Variants in AP3B1 observed in about 807,000 individuals in gnomAD.
AP3B1 encodes adaptor related protein complex 3 subunit beta 1.
AP3B1 carries 61 observed loss-of-function variants against 132.5 expected under a neutral mutation model. That is an observed-to-expected ratio of 0.46 (90% CI 0.37 to 0.57). The LOEUF (loss-of-function observed/expected upper bound fraction) is 0.57. Among genes scored for constraint, AP3B1 ranks in the 20% least tolerant of loss-of-function variants. The pLI, the probability that AP3B1 is intolerant of heterozygous loss-of-function variation, is 0.00. For missense variants in AP3B1, 1,120 were observed against 1,289.4 expected (o/e 0.87, Z 2.01); for synonymous variants, 388 against 438.3 (o/e 0.89, Z 1.43).
chr5:78,100,897 A>G (rs530879102), intron 21 of AP3B1, 56 bp downstream of exon 21: 51 of 1,079,520 alleles, frequency 4.7e-5, no homozygotes, highest in Admixed American at 1.6e-4. Flanking sequence ...GGTACTATAA[A>G]AATAAAAAAT....
intron 6 of AP3B1, among the ~76,000 whole-genome samples, chr5:78,221,750 A>C (rs1055367443): frequency 2.0e-5 from 3 of 151,928 alleles, no homozygotes; most frequent in Non-Finnish European, 2.9e-5. Context: ...AAAATAACAG[A>C]ATTAATATTT....
chr5:78,087,855 T>A (rs1750331182), intron 22 of AP3B1, among the ~76,000 whole-genome samples: 2 of 152,214 alleles, frequency 1.3e-5, no homozygotes, highest in African/African-American at 4.8e-5. Flanking sequence ...TGGAGAATAT[T>A]CGTTAATATT....
chr5:78,226,054 T>C (rs1187761901), intron 5 of AP3B1, among the ~76,000 whole-genome samples: 1 of 152,058 alleles, frequency 6.6e-6, no homozygotes, highest in East Asian at 1.9e-4. Context: ...GATAGAGACA[T>C]GCATTATAAA....
chr5:78,207,432 A>C (rs1163003335), intron 7 of AP3B1, among the ~76,000 whole-genome samples: 7 of 152,128 alleles, frequency 4.6e-5, no homozygotes, highest in Non-Finnish European at 1.0e-4. Context: ...GTCTCAAAAA[A>C]AAGAAAAAAG....
intron 21 of AP3B1, among the ~76,000 whole-genome samples, chr5:78,096,997 G>C (rs1217412067): frequency 7.6e-6 from 1 of 131,222 alleles, no homozygotes; most frequent in Non-Finnish European, 1.6e-5. Context: ...CAGCCGCCCT[G>C]TCCGGGAGGG....
At chr5:78,158,758 G>A (rs565025183) in intron 13 of AP3B1, among the ~76,000 whole-genome samples, 80 of 151,496 alleles carry the variant, frequency 5.3e-4, no homozygotes, top group African/African-American at 1.8e-3. Context: ...GTGCAGTGGC[G>A]CAATCTCGGC....
intron 6 of AP3B1, chr5:78,222,125 TAAAA>T (rs35095974): frequency 6.9e-6 from 1 of 145,488 alleles, no homozygotes; most frequent in Admixed American, 6.9e-5. Flanking sequence ...ATTCATTCTC[TAAAA>T]AAAAAAAGAG....
At chr5:78,229,777 A>C (rs1746565646) in intron 3 of AP3B1, among the ~76,000 whole-genome samples, 1 of 152,036 alleles carries the variant, frequency 6.6e-6, no homozygotes, top group African/African-American at 2.4e-5. Flanking sequence ...AAAAAGTTAT[A>C]TACTCAAAGA....
chr5:78,051,074 A>C (rs566636816), intron 22 of AP3B1, among the ~76,000 whole-genome samples: 1 of 152,324 alleles, frequency 6.6e-6, no homozygotes, highest in Admixed American at 6.5e-5. Flanking sequence ...AAGGAAATCT[A>C]TGTGACTCAT....
At chr5:78,036,234 T>C (rs758557319) in intron 23 of AP3B1, among the ~76,000 whole-genome samples, 4 of 152,154 alleles carry the variant, frequency 2.6e-5, no homozygotes, top group Admixed American at 6.5e-5. Flanking sequence ...TGTTTTATTA[T>C]ATGGATGCTT....
intron 1 of AP3B1, among the ~76,000 whole-genome samples, chr5:78,285,755 C>A (rs1749251530): frequency 6.6e-6 from 1 of 152,162 alleles, no homozygotes; most frequent in Non-Finnish European, 1.5e-5. Flanking sequence ...AACTTTGTAT[C>A]CACCCTTGAT....
intron 22 of AP3B1, among the ~76,000 whole-genome samples, chr5:78,061,132 T>C (rs895021001): frequency 5.0e-4 from 72 of 142,888 alleles, no homozygotes; most frequent in East Asian, 1.6e-3. Flanking sequence ...TGGTCAAACA[T>C]AGAAAAAAAA....
At chr5:78,212,428 T>A (rs1303284695) in intron 7 of AP3B1, among the ~76,000 whole-genome samples, 1 of 152,368 alleles carries the variant, frequency 6.6e-6, no homozygotes, top group Non-Finnish European at 1.5e-5. Context: ...CAGGCAGGTT[T>A]TTTTAATTAT....
chr5:78,021,862 G>T (rs1040464404), intron 24 of AP3B1, among the ~76,000 whole-genome samples: 1 of 152,104 alleles, frequency 6.6e-6, no homozygotes. Context: ...AACCAAATCT[G>T]TTCCTTTTTA....
intron 21 of AP3B1, among the ~76,000 whole-genome samples, chr5:78,090,013 A>C (rs1006766789): frequency 3.3e-5 from 5 of 152,166 alleles, no homozygotes; most frequent in African/African-American, 9.7e-5. Flanking sequence ...TGATTCTAAA[A>C]CTGCTATATA....
intron 2 of AP3B1, among the ~76,000 whole-genome samples, chr5:78,258,655 A>G (rs1369190428): frequency 2.0e-5 from 3 of 152,216 alleles, no homozygotes; most frequent in Non-Finnish European, 2.9e-5. Context: ...GAAACTAGTA[A>G]TTGAGCTACC....
intron 19 of AP3B1, among the ~76,000 whole-genome samples, chr5:78,111,809 T>G (rs1253493869): frequency 6.6e-6 from 1 of 152,208 alleles, no homozygotes; most frequent in African/African-American, 2.4e-5. Flanking sequence ...CCAATCATAC[T>G]AATTATCTAA....
chr5:78,080,916 T>C (rs1294538572), intron 22 of AP3B1, among the ~76,000 whole-genome samples: 1 of 152,146 alleles, frequency 6.6e-6, no homozygotes, highest in Non-Finnish European at 1.5e-5. Flanking sequence ...AAAGGTACCG[T>C]CTCTCTTTGA....
chr5:78,021,223 T>C (rs1747080522), intron 24 of AP3B1, among the ~76,000 whole-genome samples: 1 of 152,054 alleles, frequency 6.6e-6, no homozygotes, highest in Admixed American at 6.6e-5. Flanking sequence ...TAGTTTTAAA[T>C]GAAGAAGAAA....
Sources: gnomAD v4.1 joint callset for allele counts (sites outside exome capture counted in the v4.1 genomes callset) on GRCh38, gnomAD v4.1.1 for gene constraint, MANE v1.5 for transcripts, NCBI Gene and HGNC (gene_info 2026-07-23, HGNC 2026-07-21) for gene names.